SEMA3C: variants seen among roughly 807,000 people sequenced by gnomAD.
SEMA3C encodes the protein semaphorin 3C, also known as semaphorin-3C.
A neutral mutation model predicts 89.4 loss-of-function variants in SEMA3C; 47 were observed. That is an observed-to-expected ratio of 0.53 (90% CI 0.42 to 0.67). The LOEUF is 0.67. Ranked by LOEUF, SEMA3C falls within the 30% of genes least tolerant of loss-of-function variation. The probability of loss-of-function intolerance (pLI) is 0.00; values close to 1 mark genes in which losing one functional copy is unlikely to be tolerated. For synonymous variants in SEMA3C, 310 were observed against 320.2 expected (o/e 0.97, Z 0.34); for missense variants, 839 against 929.1 (o/e 0.90, Z 1.26).
intron 2 of SEMA3C, among the ~76,000 whole-genome samples, chr7:80,843,849 G>C (rs1790327988): frequency 6.6e-6 from 1 of 152,024 alleles, no homozygotes; most frequent in Non-Finnish European, 1.5e-5. Flanking sequence ...AAGTAAATGA[G>C]AGGAAAAGTT....
intron 2 of SEMA3C, among the ~76,000 whole-genome samples, chr7:80,834,209 A>T (rs1206554968): frequency 6.6e-6 from 1 of 152,138 alleles, no homozygotes; most frequent in African/African-American, 2.4e-5. Flanking sequence ...ATTAAAAAAA[A>T]TTATGCATGT....
intron 2 of SEMA3C, among the ~76,000 whole-genome samples, chr7:80,894,308 T>G (rs1266949187): frequency 6.6e-6 from 1 of 152,120 alleles, no homozygotes; most frequent in Non-Finnish European, 1.5e-5. Context: ...AATTAGGAAA[T>G]AAAATCTTTG....
chr7:80,768,780 C>A (rs983472685), intron 12 of SEMA3C, among the ~76,000 whole-genome samples: 1 of 146,480 alleles, frequency 6.8e-6, no homozygotes, highest in Non-Finnish European at 1.5e-5. Context: ...ATAGCTAGGG[C>A]AAGATTTGTG....
intron 12 of SEMA3C, among the ~76,000 whole-genome samples, chr7:80,781,650 T>C (rs1788693375): frequency 6.6e-6 from 1 of 152,192 alleles, no homozygotes; most frequent in Admixed American, 6.5e-5. Flanking sequence ...GGACAAAGCC[T>C]GCCAAGTCTG....
At chr7:80,908,326 G>T (rs947081039) in intron 2 of SEMA3C, among the ~76,000 whole-genome samples, 2 of 152,156 alleles carry the variant, frequency 1.3e-5, no homozygotes, top group African/African-American at 4.8e-5. Context: ...TGAATGAAGT[G>T]CCAGCTTGGT....
At chr7:80,769,945 T>C (rs1255466302) in intron 12 of SEMA3C, among the ~76,000 whole-genome samples, 1 of 152,030 alleles carries the variant, frequency 6.6e-6, no homozygotes, top group Non-Finnish European at 1.5e-5. Flanking sequence ...ATACCACTTT[T>C]AGTCATTTCT....
At chr7:80,830,531 T>A (rs958462663) in intron 2 of SEMA3C, among the ~76,000 whole-genome samples, 5 of 152,226 alleles carry the variant, frequency 3.3e-5, no homozygotes, top group African/African-American at 1.2e-4. Flanking sequence ...TCAAATTTAC[T>A]GTTCATACAA....
intron 11 of SEMA3C, 55 bp downstream of exon 11, chr7:80,798,037 T>C (rs530203855): frequency 5.5e-5 from 84 of 1,521,516 alleles, no homozygotes; most frequent in Admixed American, 5.2e-4. Flanking sequence ...ATTCATTACC[T>C]GTTAAATGAG....
At chr7:80,850,100 G>A (rs571481662) in intron 2 of SEMA3C, among the ~76,000 whole-genome samples, 38 of 152,110 alleles carry the variant, frequency 2.5e-4, no homozygotes, top group African/African-American at 8.2e-4. Flanking sequence ...TTACATGACC[G>A]GCTCAAACTT....
intron 2 of SEMA3C, among the ~76,000 whole-genome samples, chr7:80,872,956 T>C (rs1335009547): frequency 2.7e-5 from 4 of 150,286 alleles, no homozygotes; most frequent in African/African-American, 7.3e-5. Flanking sequence ...AAGCCACATC[T>C]TACTTTTGTT....
chr7:80,826,507 G>A (rs896676950), intron 4 of SEMA3C, among the ~76,000 whole-genome samples: 5 of 152,090 alleles, frequency 3.3e-5, no homozygotes, highest in South Asian at 2.1e-4. Context: ...AAAGTTGACT[G>A]GAGTCAGAAC....
intron 2 of SEMA3C, among the ~76,000 whole-genome samples, chr7:80,895,094 G>A (rs1423751114): frequency 6.6e-6 from 1 of 152,104 alleles, no homozygotes; most frequent in African/African-American, 2.4e-5. Flanking sequence ...CCACACACAC[G>A]TGAGCATGCA....
chr7:80,789,713 G>A (rs2115585592), intron 11 of SEMA3C, among the ~76,000 whole-genome samples, 185 bp from the exon 12 acceptor site: 1 of 152,270 alleles, frequency 6.6e-6, no homozygotes, highest in East Asian at 1.9e-4. Flanking sequence ...AGTACAGTGT[G>A]TATTAATTTT....
At chr7:80,808,649 T>C (rs1789395905) in intron 6 of SEMA3C, among the ~76,000 whole-genome samples, 1 of 152,172 alleles carries the variant, frequency 6.6e-6, no homozygotes, top group Non-Finnish European at 1.5e-5. Context: ...ACACAATAAT[T>C]ATTTTTTACC....
intron 2 of SEMA3C, among the ~76,000 whole-genome samples, chr7:80,851,277 T>G (rs1180018347): frequency 6.6e-6 from 1 of 151,870 alleles, no homozygotes; most frequent in African/African-American, 2.4e-5. Flanking sequence ...GAGGCCATGG[T>G]GGGTAGATCA....
chr7:80,808,474 T>C (rs2115703143), intron 6 of SEMA3C, among the ~76,000 whole-genome samples: 1 of 152,310 alleles, frequency 6.6e-6, no homozygotes, highest in Non-Finnish European at 1.5e-5. Context: ...AAGCTAACTT[T>C]ATGTCCTAAA....
Position 80,810,362 on chromosome 7 carries a change from C to A in SEMA3C, c.538+249G>T, listed in dbSNP as rs540718614. On this transcript the variant is annotated intron_variant, in intron 6 of 17. Coordinates refer to ENST00000265361, the MANE Select transcript of SEMA3C (RefSeq NM_006379.5). ...ATGATAATATATAAGTATACATATA[C>A]ACACTTATAAAAAATGCTTGGCCTA... Among the ~76,000 whole-genome samples the A allele has an allele frequency of 9.9e-5, 15 of 152,108 alleles. No individual in the cohort carries two copies. In the South Asian group the frequency reaches 1.2e-3, roughly 13 times the overall value.
chr7:80,745,241 C>G lies in SEMA3C; in HGVS notation c.1909G>C (p.Asp637His). 1 of 1,614,014 alleles carries G rather than the reference C, an allele frequency of 6.2e-7. No individual in the cohort carries two copies. Among genetic ancestry groups the G allele is most frequent in the Non-Finnish European group, 8.5e-7 (1 of 1,179,986 alleles). Residue 637 changes from aspartate (D) to histidine (H), a missense_variant, in exon 18 of 18, where the codon GAC becomes CAC. Transcript: ENST00000265361. ...GCAATGCAGTGATAAAGTCCTTGGT[C>G]AGAACCCTGAACAGAGCGGATCAGG... ...GLLIRSVQGS[D>H]QGLYHCIATE...
chr7:80,894,444 AT>A (rs988809963), intron 2 of SEMA3C, among the ~76,000 whole-genome samples: 4 of 151,930 alleles, frequency 2.6e-5, no homozygotes, highest in East Asian at 1.9e-4. Context: ...TATTACAAGA[AT>A]TTTTTTTAAT....
Sources: allele counts gnomAD v4.1 joint callset (sites outside exome capture counted in the v4.1 genomes callset), GRCh38; gene constraint gnomAD v4.1.1; transcripts MANE v1.5; gene names NCBI Gene and HGNC (gene_info 2026-07-23, HGNC 2026-07-21).